FRMD5: variants seen among roughly 807,000 people sequenced by gnomAD.
FRMD5 encodes FERM domain-containing protein 5.
Under a neutral mutation model 69.0 loss-of-function variants are expected in FRMD5, and 20 were observed. That is an observed-to-expected ratio of 0.29 (90% CI 0.20 to 0.42). FRMD5 has a LOEUF of 0.42. Among genes scored for constraint, FRMD5 ranks in the 10% least tolerant of loss-of-function variants. The probability of loss-of-function intolerance (pLI) is 1.00; values close to 1 mark genes in which losing one functional copy is unlikely to be tolerated. For missense variants in FRMD5, 595 were observed against 708.6 expected, an observed-to-expected ratio of 0.84 and a Z score of 1.82; for synonymous variants, 271 against 260.1, an observed-to-expected ratio of 1.04 and a Z score of -0.40.
intron 1 of FRMD5, among the ~76,000 whole-genome samples, chr15:44,006,710 C>A (rs1169244558): frequency 6.6e-6 from 1 of 152,160 alleles, no homozygotes; most frequent in African/African-American, 2.4e-5. Context: ...GTAGAGATAG[C>A]AAGAAAACTA....
In FRMD5 at chr15:44,195,034, G is replaced by C; in HGVS notation, c.21C>G (p.Ser7Arg). 6.4e-7 allele frequency: 1 copy of C among 1,551,792 alleles called. No individual in the cohort carries two copies. The highest frequency in any genetic ancestry group is 1.8e-5 in the Admixed American group (1 of 54,692). MLSRLMSGSSRSLEREY... is the reference protein window; with the variant it reads MLSRLMRGSSRSLEREY... ...CGCGCTCCAGGCTCCTGCTGCTGCC[G>C]CTCATCAACCTGCTCAGCATCTTCC... is the stretch of plus-strand genomic sequence containing the variant. Residue 7 changes from serine to arginine, a missense_variant, in exon 1 of 14, where the codon AGC becomes AGG. Coordinates refer to ENST00000417257, the MANE Select transcript of FRMD5 (RefSeq NM_032892.5).
intron 1 of FRMD5, among the ~76,000 whole-genome samples, chr15:44,022,472 G>A (rs1381680003): frequency 6.6e-6 from 1 of 150,600 alleles, no homozygotes; most frequent in Non-Finnish European, 1.5e-5. Context: ...TACTCGGGAG[G>A]CTGAGACAGG....
intron 1 of FRMD5, among the ~76,000 whole-genome samples, chr15:44,047,499 C>T (rs1467229714): frequency 2.0e-5 from 3 of 152,066 alleles, no homozygotes; most frequent in Non-Finnish European, 2.9e-5. Flanking sequence ...TGACCCTTTC[C>T]CTACCATAAA....
At chr15:44,136,348 T>G (rs1274869670) in intron 1 of FRMD5, among the ~76,000 whole-genome samples, 3 of 152,102 alleles carry the variant, frequency 2.0e-5, no homozygotes, top group Non-Finnish European at 4.4e-5. Flanking sequence ...TCTTATCAGG[T>G]GCAAATAATA....
chr15:43,925,524 A>G (rs963181692), intron 1 of FRMD5, among the ~76,000 whole-genome samples: 5 of 152,204 alleles, frequency 3.3e-5, no homozygotes, highest in Admixed American at 2.6e-4. Flanking sequence ...CCAGTTCCAT[A>G]TTGATGACAT....
At chr15:44,106,135 C>A (rs537712359) in intron 1 of FRMD5, among the ~76,000 whole-genome samples, 3 of 152,018 alleles carry the variant, frequency 2.0e-5, no homozygotes, top group African/African-American at 7.3e-5. Flanking sequence ...TTAAAAAGTA[C>A]GGTTACATTC....
chr15:44,008,697 T>C (rs1890573101), intron 1 of FRMD5, among the ~76,000 whole-genome samples: 1 of 152,132 alleles, frequency 6.6e-6, no homozygotes, highest in Non-Finnish European at 1.5e-5. Flanking sequence ...AAGTTAAGAA[T>C]CACAGCATTA....
At chr15:44,164,101 T>C (rs2077667231) in intron 1 of FRMD5, among the ~76,000 whole-genome samples, 3 of 152,180 alleles carry the variant, frequency 2.0e-5, no homozygotes, top group African/African-American at 7.2e-5. Flanking sequence ...CATCTGTTCT[T>C]TCCTGTTTCT....
At chr15:44,127,529 T>C (rs1013434061) in intron 1 of FRMD5, among the ~76,000 whole-genome samples, 2 of 152,164 alleles carry the variant, frequency 1.3e-5, no homozygotes, top group African/African-American at 4.8e-5. Context: ...TACTGTACAA[T>C]CTCAACTTCA....
At chr15:44,107,018 T>C (rs940231138) in intron 1 of FRMD5, among the ~76,000 whole-genome samples, 4 of 152,190 alleles carry the variant, frequency 2.6e-5, no homozygotes, top group African/African-American at 7.2e-5. Context: ...AGTTAATAAA[T>C]AACCCTTAGC....
At chr15:44,138,941 G>A (rs1281206580) in intron 1 of FRMD5, among the ~76,000 whole-genome samples, 3 of 152,094 alleles carry the variant, frequency 2.0e-5, no homozygotes, top group South Asian at 2.1e-4. Flanking sequence ...TGACTGGGGC[G>A]ACAGAAAAGA....
chr15:44,159,666 T>A (rs2077582231), intron 1 of FRMD5, among the ~76,000 whole-genome samples: 1 of 152,140 alleles, frequency 6.6e-6, no homozygotes, highest in Admixed American at 6.5e-5. Flanking sequence ...TCAGGTTGGA[T>A]CAGGAAGCAT....
intron 2 of FRMD5, among the ~76,000 whole-genome samples, chr15:43,921,678 A>G (rs750163724): frequency 1.3e-5 from 2 of 152,236 alleles, no homozygotes; most frequent in Non-Finnish European, 2.9e-5. Context: ...GATTAAAAGA[A>G]GAGGAAAAGA....
intron 1 of FRMD5, among the ~76,000 whole-genome samples, chr15:43,980,059 G>C (rs1382335895): frequency 6.6e-6 from 1 of 152,064 alleles, no homozygotes; most frequent in Non-Finnish European, 1.5e-5. Flanking sequence ...TCCTGTTTTT[G>C]CTTCGAAATA....
intron 1 of FRMD5, among the ~76,000 whole-genome samples, chr15:44,084,132 T>C (rs1313591064): frequency 2.6e-5 from 4 of 152,094 alleles, no homozygotes; most frequent in Non-Finnish European, 5.9e-5. Context: ...CAATGTTTAA[T>C]AACCTCTGTA....
At position 44,032,097 on chromosome 15, in the gene FRMD5, G is replaced by A. The variant is rs113543901; in HGVS notation, c.103-107788C>T. ...AACAAAGCTGACAAAAACAAGCAAC[G>A]GGGAAAAAGACTCCCTATTCAATAA... On this transcript the variant is annotated intron_variant, in intron 1 of 13. Transcript: ENST00000417257. Among the ~76,000 whole-genome samples the A allele has an allele frequency of 7.9e-3, 1,195 of 152,148 alleles. 23 individuals are homozygous for A. Among genetic ancestry groups the A allele is most frequent in the African/African-American group, 0.027 (1,134 of 41,514 alleles).
At chr15:43,918,411 C>T (rs928690036) in intron 4 of FRMD5, among the ~76,000 whole-genome samples, 6 of 152,176 alleles carry the variant, frequency 3.9e-5, no homozygotes, top group East Asian at 3.9e-4. Flanking sequence ...GCAACAAGAG[C>T]GAAACTCTGT....
chr15:43,960,052 G>C (rs1324031880), intron 1 of FRMD5, among the ~76,000 whole-genome samples: 3 of 152,012 alleles, frequency 2.0e-5, no homozygotes, highest in Non-Finnish European at 4.4e-5. Context: ...CAAGTAGCTG[G>C]GATTACAGAC....
chr15:44,169,987 T>G (rs777979259), intron 1 of FRMD5, among the ~76,000 whole-genome samples: 3 of 152,228 alleles, frequency 2.0e-5, no homozygotes, highest in Non-Finnish European at 4.4e-5. Flanking sequence ...GGAGAAGAGA[T>G]AGTATCAACA....
Sources: gnomAD v4.1 joint callset for allele counts (sites outside exome capture counted in the v4.1 genomes callset) on GRCh38, gnomAD v4.1.1 for gene constraint, MANE v1.5 for transcripts, NCBI Gene and HGNC (gene_info 2026-07-23, HGNC 2026-07-21) for gene names.